Variants in THSD7A observed in about 807,000 individuals in gnomAD.
THSD7A encodes the protein thrombospondin type-1 domain-containing protein 7A.
THSD7A carries 96 observed loss-of-function variants against 231.3 expected under a neutral mutation model. That is an observed-to-expected ratio of 0.41 (90% CI 0.35 to 0.49). The LOEUF is 0.49. THSD7A is among the 20% of genes least tolerant of loss of function. The pLI is 0.05. For synonymous variants in THSD7A, 940 were observed against 743.3 expected, an observed-to-expected ratio of 1.26 and a Z score of -4.30; for missense variants, 2,290 against 2,070.2, an observed-to-expected ratio of 1.11 and a Z score of -2.06.
At chr7:11,660,514 A>G (rs916619810) in intron 1 of THSD7A, among the ~76,000 whole-genome samples, 24 of 151,510 alleles carry the variant, frequency 1.6e-4, no homozygotes, top group Non-Finnish European at 7.4e-5. Flanking sequence ...AAAAATAGAA[A>G]AACAGTTCAA....
At chr7:11,432,813 T>C (rs935344995) in intron 13 of THSD7A, among the ~76,000 whole-genome samples, 1 of 152,022 alleles carries the variant, frequency 6.6e-6, no homozygotes, top group African/African-American at 2.4e-5. Flanking sequence ...TGTATGTATT[T>C]CTGTTTGGTG....
At chr7:11,389,227 C>T (rs191764186) in intron 23 of THSD7A, among the ~76,000 whole-genome samples, 90 of 151,992 alleles carry the variant, frequency 5.9e-4, no homozygotes, top group African/African-American at 2.0e-3. Context: ...GTGTGGGAGT[C>T]TAAGTCTCTT....
chr7:11,646,470 T>C (rs1412901602), intron 1 of THSD7A, among the ~76,000 whole-genome samples: 3 of 152,054 alleles, frequency 2.0e-5, no homozygotes, highest in African/African-American at 7.2e-5. Flanking sequence ...GCAAATCTAG[T>C]AAATGCATAT....
chr7:11,619,363 T>G (rs990943079), intron 2 of THSD7A, among the ~76,000 whole-genome samples: 1 of 151,498 alleles, frequency 6.6e-6, no homozygotes, highest in Admixed American at 6.6e-5. Flanking sequence ...TACATTAAAA[T>G]AGCCACATGA....
intron 6 of THSD7A, among the ~76,000 whole-genome samples, chr7:11,496,497 G>A (rs760507835): frequency 6.6e-6 from 1 of 152,122 alleles, no homozygotes; most frequent in Non-Finnish European, 1.5e-5. Flanking sequence ...GTGACCATAT[G>A]ACCTGGGGTT....
intron 1 of THSD7A, among the ~76,000 whole-genome samples, chr7:11,740,318 A>G (rs61106938): frequency 6.8e-4 from 103 of 152,112 alleles, no homozygotes; most frequent in Non-Finnish European, 1.4e-3. Flanking sequence ...GACGAGGTAC[A>G]TGAGAGAAAT....
chr7:11,404,393 T>C (rs894256060), intron 22 of THSD7A, among the ~76,000 whole-genome samples: 4 of 152,210 alleles, frequency 2.6e-5, no homozygotes, highest in Non-Finnish European at 5.9e-5. Flanking sequence ...TTCTGCTCAA[T>C]GGTGTGAATG....
chr7:11,789,515 T>C (rs780391352), intron 1 of THSD7A, among the ~76,000 whole-genome samples: 28 of 152,008 alleles, frequency 1.8e-4, no homozygotes, highest in Admixed American at 7.9e-4. Flanking sequence ...AGTACACTTA[T>C]TTGATTATGA....
chr7:11,747,356 C>A (rs1782344469), intron 1 of THSD7A, among the ~76,000 whole-genome samples: 1 of 151,800 alleles, frequency 6.6e-6, no homozygotes, highest in Non-Finnish European at 1.5e-5. Flanking sequence ...AGTTTACTTA[C>A]AATTCTACGA....
chr7:11,410,131 T>C (rs1173859360), intron 19 of THSD7A, among the ~76,000 whole-genome samples: 1 of 152,252 alleles, frequency 6.6e-6, no homozygotes, highest in Non-Finnish European at 1.5e-5. Flanking sequence ...TTTCTAATTA[T>C]TCAAGTTTAA....
intron 2 of THSD7A, among the ~76,000 whole-genome samples, chr7:11,594,731 T>C (rs921838542): frequency 1.3e-5 from 2 of 152,176 alleles, no homozygotes; most frequent in African/African-American, 4.8e-5. Context: ...GAGCCTCAAA[T>C]CTGCTAGATA....
chr7:11,760,975 T>C (rs1283187675), intron 1 of THSD7A, among the ~76,000 whole-genome samples: 1 of 148,150 alleles, frequency 6.7e-6, no homozygotes, highest in Non-Finnish European at 1.5e-5. Flanking sequence ...AATTTATATA[T>C]TTATATATAA....
At chr7:11,567,302 A>AG (rs1252254358) in intron 4 of THSD7A, among the ~76,000 whole-genome samples, 1 of 152,102 alleles carries the variant, frequency 6.6e-6, no homozygotes, top group African/African-American at 2.4e-5. Context: ...TGCAGAGTAA[A>AG]GGGGGAAGAG....
At chr7:11,669,501 A>G (rs1313178517) in intron 1 of THSD7A, among the ~76,000 whole-genome samples, 3 of 152,096 alleles carry the variant, frequency 2.0e-5, no homozygotes, top group Middle Eastern at 6.8e-3. Flanking sequence ...AAGAGTGCAT[A>G]AAGTGTGAAG....
intron 6 of THSD7A, among the ~76,000 whole-genome samples, chr7:11,501,899 A>G (rs1787351724): frequency 6.6e-6 from 1 of 152,174 alleles, no homozygotes; most frequent in South Asian, 2.1e-4. Context: ...AGACTAATAG[A>G]AGAGAGAAAA....
intron 1 of THSD7A, among the ~76,000 whole-genome samples, chr7:11,829,318 C>G (rs887361450): frequency 6.6e-6 from 1 of 151,934 alleles, no homozygotes; most frequent in African/African-American, 2.4e-5. Flanking sequence ...ATGTATCTGA[C>G]ATATGCATTC....
chr7:11,614,277 C>T (rs987904), intron 2 of THSD7A, among the ~76,000 whole-genome samples: 58,600 of 151,966 alleles, frequency 0.39, 12,211 homozygotes, highest in East Asian at 0.56. Flanking sequence ...AAATGGTGAG[C>T]GCTTCCACTA....
chr7:11,514,336 A>T (rs75753077), intron 6 of THSD7A, among the ~76,000 whole-genome samples: 4,651 of 152,286 alleles, frequency 0.031, 247 homozygotes, highest in African/African-American at 0.11. Context: ...TACCCTCTAC[A>T]TCTAAAACAG....
chr7:11,591,278 C>T lies in THSD7A; in HGVS notation c.1272-637G>A, dbSNP rs979058990. 1.8e-4 allele frequency among the ~76,000 whole-genome samples: 28 copies of T among 151,412 alleles called. No individual in the cohort carries two copies. The South Asian group carries it at 2.7e-3, about 15-fold the overall frequency. On this transcript the variant is annotated intron_variant, in intron 3 of 27. Transcript: ENST00000423059. ...AGATCTATGATGCTCAATTAAAGCTCCAATCAAGATTATGATGTGAGAAAA... is the reference window on the plus strand; with the variant it reads ...AGATCTATGATGCTCAATTAAAGCTTCAATCAAGATTATGATGTGAGAAAA...
Sources: allele counts gnomAD v4.1 joint callset (sites outside exome capture counted in the v4.1 genomes callset), GRCh38; gene constraint gnomAD v4.1.1; transcripts MANE v1.5; gene names NCBI Gene and HGNC (gene_info 2026-07-23, HGNC 2026-07-21).